ZMYM4: variants seen among roughly 807,000 people sequenced by gnomAD.
The protein encoded by ZMYM4 is zinc finger MYM-type protein 4.
Under a neutral mutation model 183.2 loss-of-function variants are expected in ZMYM4, and 31 were observed. That is an observed-to-expected ratio of 0.17 (90% CI 0.13 to 0.23). ZMYM4 has a LOEUF of 0.23. ZMYM4 is among the 10% of genes least tolerant of loss of function. The pLI, the probability that ZMYM4 is intolerant of heterozygous loss-of-function variation, is 1.00. For synonymous variants in ZMYM4, 592 were observed against 631.2 expected (o/e 0.94, Z 0.93); for missense variants, 1,273 against 1,840.3 (o/e 0.69, Z 5.64).
intron 7 of ZMYM4, among the ~76,000 whole-genome samples, chr1:35,372,936 T>G (rs1644246901): frequency 6.6e-6 from 1 of 152,076 alleles, no homozygotes; most frequent in African/African-American, 2.4e-5. Context: ...GGCAGGTGGA[T>G]CACTAGAGGC....
chr1:35,392,374 TTTA>T (rs1349608934), intron 16 of ZMYM4, 22 bp downstream of exon 16: 1 of 1,608,084 alleles, frequency 6.2e-7, no homozygotes, highest in South Asian at 1.1e-5. Context: ...TTGGAAAGCA[TTTA>T]TCTAGCCTAT....
intron 11 of ZMYM4, among the ~76,000 whole-genome samples, chr1:35,386,667 T>A (rs1189862473): frequency 6.6e-6 from 1 of 152,208 alleles, no homozygotes; most frequent in African/African-American, 2.4e-5. Flanking sequence ...GTTGTATAAG[T>A]TTCTATATCA....
At chr1:35,323,646 C>A (rs1642383921) in intron 1 of ZMYM4, among the ~76,000 whole-genome samples, 1 of 151,770 alleles carries the variant, frequency 6.6e-6, no homozygotes, top group Non-Finnish European at 1.5e-5. Context: ...CAGGTTCATG[C>A]CATTCTCCTC....
intron 2 of ZMYM4, among the ~76,000 whole-genome samples, chr1:35,339,523 A>G (rs1028173232): frequency 2.0e-5 from 3 of 152,040 alleles, no homozygotes; most frequent in African/African-American, 4.8e-5. Flanking sequence ...GCATGAGCCC[A>G]TAATATTAAG....
At chr1:35,371,768 AT>A (rs1644219673) in intron 7 of ZMYM4, among the ~76,000 whole-genome samples, 1 of 152,204 alleles carries the variant, frequency 6.6e-6, no homozygotes, top group Non-Finnish European at 1.5e-5. Context: ...TTTAAAAGAA[AT>A]TTAAATATGG....
rs140990358 is a variant in ZMYM4, at chr1:35,345,331, A to C, written c.86-13594A>C. 1.6e-3 allele frequency among the ~76,000 whole-genome samples: 245 copies of C among 152,308 alleles called. 1 individual carries two copies. The highest frequency in any genetic ancestry group is 6.6e-3 in the Admixed American group (101 of 15,298). On this transcript the variant is annotated intron_variant, in intron 2 of 29. Coordinates refer to ENST00000314607, the MANE Select transcript of ZMYM4 (RefSeq NM_005095.3). ...ATTGCCATCAAGTTAATAATATTTT[A>C]AACTGTATGGACCTCCAGTTGTTTA...
intron 25 of ZMYM4, 133 bp downstream of exon 25, chr1:35,405,601 G>T: frequency 1.4e-6 from 1 of 703,572 alleles, no homozygotes. Context: ...ATCTTATCCC[G>T]TTTTAAGGAG....
intron 1 of ZMYM4, among the ~76,000 whole-genome samples, chr1:35,304,526 T>A (rs1411524533): frequency 6.6e-6 from 1 of 151,508 alleles, no homozygotes; most frequent in East Asian, 1.9e-4. Context: ...GGCTCGATCT[T>A]AGCTTACTGC....
intron 1 of ZMYM4, among the ~76,000 whole-genome samples, chr1:35,315,915 G>T (rs1296215463): frequency 6.6e-6 from 1 of 151,994 alleles, no homozygotes; most frequent in East Asian, 1.9e-4. Flanking sequence ...GACAGAGTGA[G>T]TCCCTGTCTG....
intron 7 of ZMYM4, among the ~76,000 whole-genome samples, chr1:35,373,213 T>G (rs1644252503): frequency 6.6e-6 from 1 of 150,696 alleles, no homozygotes; most frequent in Non-Finnish European, 1.5e-5. Flanking sequence ...ATAATTTATG[T>G]CAGTATAAAT....
At chr1:35,308,869 A>G in intron 1 of ZMYM4, 1 of 667,062 alleles carries the variant, frequency 1.5e-6, no homozygotes, top group Non-Finnish European at 1.9e-6. Context: ...TCAGAAAACA[A>G]AAGAAAGTGG....
intron 2 of ZMYM4, among the ~76,000 whole-genome samples, chr1:35,335,864 A>G (rs1040012881): frequency 6.6e-6 from 1 of 152,158 alleles, no homozygotes; most frequent in African/African-American, 2.4e-5. Flanking sequence ...GAGGCAGGAG[A>G]ATGGCGTGAA....
At chr1:35,327,207 G>GT (rs1309525771) in intron 2 of ZMYM4, among the ~76,000 whole-genome samples, 4 of 152,254 alleles carry the variant, frequency 2.6e-5, no homozygotes, top group African/African-American at 9.6e-5. Flanking sequence ...TGAATGAAAT[G>GT]TTATTAGAGG....
intron 25 of ZMYM4, 29 bp from the exon 26 acceptor site, chr1:35,407,979 T>G: frequency 6.2e-7 from 1 of 1,613,524 alleles, no homozygotes; most frequent in Non-Finnish European, 8.5e-7. Context: ...TAAAAGTTAA[T>G]GTTTCAGATG....
At chr1:35,293,002 A>AC (rs1478302672) in intron 1 of ZMYM4, among the ~76,000 whole-genome samples, 2 of 69,278 alleles carry the variant, frequency 2.9e-5, no homozygotes, top group Non-Finnish European at 6.9e-5. Flanking sequence ...GATACCATTA[A>AC]CATTTTTTTT....
intron 27 of ZMYM4, among the ~76,000 whole-genome samples, chr1:35,414,990 G>T (rs1640055392): frequency 6.6e-6 from 1 of 152,176 alleles, no homozygotes; most frequent in South Asian, 2.1e-4. Context: ...TGAGGCTGCA[G>T]TGAGCCCTGA....
chr1:35,409,698 T>C (rs2149033836), intron 26 of ZMYM4, among the ~76,000 whole-genome samples: 1 of 152,164 alleles, frequency 6.6e-6, no homozygotes, highest in South Asian at 2.1e-4. Flanking sequence ...TCCCAGCACT[T>C]TGGGAGGCCG....
rs542050641 is a variant in ZMYM4, at chr1:35,364,963, TC to T, written c.840+3176del. On this transcript the variant is annotated intron_variant, in intron 5 of 29. Coordinates refer to ENST00000314607, the MANE Select transcript of ZMYM4 (RefSeq NM_005095.3). ...TGGATTTGCCAGTCATTGTCCGTCCTCCTGCCTCTATTACTGGCATAATGTC... is the reference window on the plus strand; with the variant it reads ...TGGATTTGCCAGTCATTGTCCGTCCTCTGCCTCTATTACTGGCATAATGTC... 3.6e-3 allele frequency among the ~76,000 whole-genome samples: 550 copies of T among 152,348 alleles called. 4 individuals carry two copies. Among genetic ancestry groups the T allele is most frequent in the African/African-American group, 0.013 (528 of 41,578 alleles).
rs1392809947 is a variant in ZMYM4 at position 35,399,532 on chromosome 1, A to G, written c.3484A>G (p.Thr1162Ala). The G allele has an allele frequency of 6.2e-6, 10 of 1,614,048 alleles. No homozygotes were observed. The highest frequency in any genetic ancestry group is 7.6e-6 in the Non-Finnish European group (9 of 1,180,038). The change falls in exon 23 of 30, where the codon ACA becomes GCA. Residue 1162 changes from threonine to alanine, a missense_variant. Thr to Ala is a moderately conservative substitution (Grantham distance 58, BLOSUM62 0). This residue lies in a region of ZMYM4 where 133 missense variants were observed against 155.7 expected (regional missense o/e 0.85). Coordinates refer to ENST00000314607, the MANE Select transcript of ZMYM4 (RefSeq NM_005095.3). Reference sequence around the variant, plus strand: ...ACAGGGAATCCAGGCACGTTCCCGAACAAGACGACGACACAGAGATGGCTT... The same window carrying G: ...ACAGGGAATCCAGGCACGTTCCCGAGCAAGACGACGACACAGAGATGGCTT... Reference protein sequence around the residue: ...KGQGIQARSRTRRRHRDGFPQ... With the variant: ...KGQGIQARSRARRRHRDGFPQ...
Sources: allele counts gnomAD v4.1 joint callset (sites outside exome capture counted in the v4.1 genomes callset), GRCh38; gene constraint gnomAD v4.1.1; regional missense constraint gnomAD v4.1.1; transcripts MANE v1.5; gene names NCBI Gene and HGNC (gene_info 2026-07-23, HGNC 2026-07-21).